Variants in CCDC192 observed in about 807,000 individuals in gnomAD.
CCDC192 encodes coiled-coil domain containing 192, also known as coiled-coil domain-containing protein 192.
At chr5:127,938,957 C>G (rs1279654549) in intron 6 of CCDC192, among the ~76,000 whole-genome samples, 1 of 150,706 alleles carries the variant, frequency 6.6e-6, no homozygotes, top group African/African-American at 2.4e-5. Flanking sequence ...GCTTGGCACA[C>G]CAGGAGATGA....
At chr5:127,838,721 C>T (rs1750144313) in intron 5 of CCDC192, 1 of 152,202 alleles carries the variant, frequency 6.6e-6, no homozygotes, top group Admixed American at 6.5e-5. Context: ...CTCAGAAGAT[C>T]AAGAGCGCTA....
At chr5:127,759,244 T>C (rs1561471621) in intron 3 of CCDC192, among the ~76,000 whole-genome samples, 1 of 152,198 alleles carries the variant, frequency 6.6e-6, no homozygotes, top group Non-Finnish European at 1.5e-5. Context: ...TCTGTCCCTT[T>C]GTGGTTATTA....
intron 3 of CCDC192, among the ~76,000 whole-genome samples, chr5:127,773,829 C>T (rs775974765): frequency 4.6e-5 from 7 of 152,082 alleles, no homozygotes; most frequent in South Asian, 2.1e-4. Context: ...ACTTTTTGAT[C>T]GGTCACCAAT....
chr5:127,712,552 C>T (rs1038789769), intron 2 of CCDC192, among the ~76,000 whole-genome samples: 1 of 152,226 alleles, frequency 6.6e-6, no homozygotes, highest in Non-Finnish European at 1.5e-5. Context: ...GCTTCTTGTA[C>T]AGCCTACAGA....
rs762627670 is a variant in CCDC192 at position 127,795,289 on chromosome 5, CAA to C, written c.223-1794_223-1793del. On this transcript the variant is annotated intron_variant, in intron 3 of 6. Coordinates refer to ENST00000514853, the MANE Select transcript of CCDC192 (RefSeq NM_001317938.2). ...TGGGTGACAAGGTGAGACTCTATCT[CAA>C]AAAAAAAAAAAAAAAAAAACAATTT... 6.1e-3 allele frequency among the ~76,000 whole-genome samples: 467 copies of C among 76,548 alleles called. 3 individuals carry two copies. The highest frequency in any genetic ancestry group is 0.038 in the South Asian group (83 of 2,178). The allele number at this position is 76,548 out of a possible 152,430, so 50.2% of individuals were successfully genotyped here. A position where few individuals can be genotyped will look rare whatever the true frequency, so the allele number is the denominator to read the frequency against.
At chr5:127,727,503 AAAAC>A (rs966640225) in intron 2 of CCDC192, among the ~76,000 whole-genome samples, 15 of 152,126 alleles carry the variant, frequency 9.9e-5, no homozygotes, top group South Asian at 4.2e-4. Context: ...AAAGAAAAGA[AAAAC>A]AAACAAACAG....
At chr5:127,752,548 G>A (rs1156275490) in intron 2 of CCDC192, among the ~76,000 whole-genome samples, 1 of 152,232 alleles carries the variant, frequency 6.6e-6, no homozygotes, top group African/African-American at 2.4e-5. Flanking sequence ...AGTCTGCAGA[G>A]GTTACTGCTG....
In CCDC192 at chr5:127,846,350, T is replaced by G. The variant is rs566163734; in HGVS notation, c.412-29188T>G. 6.6e-5 allele frequency among the ~76,000 whole-genome samples: 10 copies of G among 152,220 alleles called. No homozygotes were observed. In the South Asian group the frequency reaches 2.1e-3, roughly 32 times the overall value. On this transcript the variant is annotated intron_variant, in intron 5 of 6. Coordinates refer to ENST00000514853, the MANE Select transcript of CCDC192 (RefSeq NM_001317938.2). Reference sequence around the variant, plus strand: ...CATGAAACAAGGCTGAATCTTCTCCTTGACCTCTTACAGGCATCTAAATGT... The same window carrying G: ...CATGAAACAAGGCTGAATCTTCTCCGTGACCTCTTACAGGCATCTAAATGT...
At chr5:127,759,215 T>C (rs1042216518) in intron 3 of CCDC192, among the ~76,000 whole-genome samples, 4 of 152,298 alleles carry the variant, frequency 2.6e-5, no homozygotes, top group East Asian at 3.9e-4. Flanking sequence ...TGTTATTAAA[T>C]GGGATAGGTA....
intron 3 of CCDC192, among the ~76,000 whole-genome samples, chr5:127,768,914 A>T (rs1017782981): frequency 6.6e-6 from 1 of 152,232 alleles, no homozygotes; most frequent in Non-Finnish European, 1.5e-5. Flanking sequence ...ACTGCCAGGA[A>T]ATTTCCTAAT....
rs1429819431 is a variant in CCDC192 at position 127,752,302 on chromosome 5, CCTTT to C, written c.115-1963_115-1960del. 5.3e-5 allele frequency among the ~76,000 whole-genome samples: 8 copies of C among 152,214 alleles called. No homozygotes were observed. In the East Asian group the frequency reaches 1.5e-3, roughly 29 times the overall value. On this transcript the variant is annotated intron_variant, in intron 2 of 6. Coordinates refer to ENST00000514853, the MANE Select transcript of CCDC192 (RefSeq NM_001317938.2). ...TCAGATGGGTTTTTGGTGTGGATGT[CCTTT>C]CTGTTTGTTAGTTTTCCTTCTAACA... is the stretch of plus-strand genomic sequence containing the variant.
At chr5:127,832,386 G>C (rs1004301134) in intron 5 of CCDC192, among the ~76,000 whole-genome samples, 1 of 152,176 alleles carries the variant, frequency 6.6e-6, no homozygotes, top group Non-Finnish European at 1.5e-5. Flanking sequence ...CCACTTCTGT[G>C]TATGTAACCT....
rs547189813 is a variant in CCDC192 at position 127,907,282 on chromosome 5, T to G, written c.535+31621T>G. On this transcript the variant is annotated intron_variant, in intron 6 of 6. Coordinates refer to ENST00000514853, the MANE Select transcript of CCDC192 (RefSeq NM_001317938.2). ...CAGAACAAAAAATAAAATAATTCAT[T>G]TATATAGGGGTATTTTTTTCAAATT... Among the ~76,000 whole-genome samples the G allele has an allele frequency of 1.4e-4, 21 of 152,228 alleles. No homozygotes were observed. In the East Asian group the frequency reaches 4.0e-3, roughly 29 times the overall value.
At position 127,755,102 on chromosome 5, in the gene CCDC192, G is replaced by A. The variant is rs73345022; in HGVS notation, c.222+727G>A. 4.7e-3 allele frequency among the ~76,000 whole-genome samples: 723 copies of A among 152,214 alleles called. 1 individual carries two copies. The highest frequency in any genetic ancestry group is 0.016 in the African/African-American group (678 of 41,534). Reference sequence around the variant, plus strand: ...CAGGGGACAAACTGCTTGGAGTCTCGGTCCCCCAGTGCTCTCTTTTGGTGA... The same window carrying A: ...CAGGGGACAAACTGCTTGGAGTCTCAGTCCCCCAGTGCTCTCTTTTGGTGA... On this transcript the variant is annotated intron_variant, in intron 3 of 6. Transcript: ENST00000514853.
intron 3 of CCDC192, among the ~76,000 whole-genome samples, chr5:127,757,831 A>ATGTG (rs150942058): frequency 1.4e-5 from 2 of 139,298 alleles, no homozygotes; most frequent in African/African-American, 5.2e-5. Context: ...ATCTGTGTGT[A>ATGTG]TGTGTGTGTG....
At chr5:127,777,090 A>T (rs1206739993) in intron 3 of CCDC192, among the ~76,000 whole-genome samples, 2 of 152,102 alleles carry the variant, frequency 1.3e-5, no homozygotes, top group African/African-American at 4.8e-5. Context: ...TGAGTGGTAG[A>T]TCCACTGACA....
At chr5:127,736,873 A>G (rs963702765) in intron 2 of CCDC192, among the ~76,000 whole-genome samples, 7 of 145,228 alleles carry the variant, frequency 4.8e-5, no homozygotes, top group South Asian at 2.4e-4. Flanking sequence ...ATCCTTTCAA[A>G]AAACCAGCTC....
intron 6 of CCDC192, among the ~76,000 whole-genome samples, chr5:127,885,138 C>G (rs151858): frequency 0.71 from 107,274 of 151,566 alleles, 38,283 homozygotes; most frequent in African/African-American, 0.81. Context: ...AAGTCTTCTT[C>G]CCTCTGTATC....
At chr5:127,820,995 T>C (rs1465135964) in intron 5 of CCDC192, among the ~76,000 whole-genome samples, 2 of 152,168 alleles carry the variant, frequency 1.3e-5, no homozygotes, top group African/African-American at 4.8e-5. Context: ...ACATCATTTT[T>C]TCCTCCCATC....
Sources: allele counts gnomAD v4.1 joint callset (sites outside exome capture counted in the v4.1 genomes callset), GRCh38; gene constraint gnomAD v4.1.1; transcripts MANE v1.5; gene names NCBI Gene and HGNC (gene_info 2026-07-23, HGNC 2026-07-21).